Variants in CFAP92 observed in about 807,000 individuals in gnomAD.
CFAP92 encodes the protein cilia and flagella associated protein 92 (putative), also known as uncharacterized protein CFAP92.
Under a neutral mutation model 106.3 loss-of-function variants are expected in CFAP92, and 86 were observed. The ratio of observed to expected loss-of-function variants is 0.81; its 90% CI spans 0.68 to 0.97. The LOEUF (loss-of-function observed/expected upper bound fraction) is 0.97, where lower values mean the gene tolerates loss of function less well. CFAP92 is among the 50% of genes least tolerant of loss of function. The pLI is 0.00. For missense variants in CFAP92, 1,204 were observed against 1,283.8 expected (o/e 0.94, Z 0.95); for synonymous variants, 477 against 506.4 (o/e 0.94, Z 0.78).
intron 10 of CFAP92, among the ~76,000 whole-genome samples, chr3:128,937,001 C>T (rs1291063071): frequency 6.6e-6 from 1 of 152,040 alleles, no homozygotes; most frequent in East Asian, 1.9e-4. Flanking sequence ...ATATGTTCTT[C>T]TATATTTTCA....
chr3:128,922,721 C>T (rs982887516), intron 12 of CFAP92, among the ~76,000 whole-genome samples: 15 of 152,162 alleles, frequency 9.9e-5, no homozygotes, highest in African/African-American at 3.1e-4. Flanking sequence ...TACCATGTCA[C>T]GGGCCAGATG....
intron 11 of CFAP92, among the ~76,000 whole-genome samples, chr3:128,934,791 A>C (rs1280684390): frequency 6.6e-6 from 1 of 152,078 alleles, no homozygotes; most frequent in Non-Finnish European, 1.5e-5. Flanking sequence ...TCAGCCTCCC[A>C]AAGTGCTGGG....
chr3:128,942,794 CTCCCAAGT>C (rs1186228388), intron 10 of CFAP92, among the ~76,000 whole-genome samples: 4 of 151,990 alleles, frequency 2.6e-5, no homozygotes, highest in Non-Finnish European at 5.9e-5. Context: ...CTGCCTCAGC[CTCCCAAGT>C]TCCCAAGTAG....
chr3:129,016,998 C>T, the CFAP92 span, among the ~76,000 whole-genome samples: 1 of 152,196 alleles, frequency 6.6e-6, no homozygotes, highest in African/African-American at 2.4e-5. Flanking sequence ...TTTCAAGGAC[C>T]TGATTCATCT....
chr3:128,994,899 A>G (rs189233774), upstream of CFAP92, among the ~76,000 whole-genome samples: 1 of 152,310 alleles, frequency 6.6e-6, no homozygotes, highest in Admixed American at 6.5e-5. Flanking sequence ...CAGGTAGAGG[A>G]ACAGCATATG....
chr3:128,960,844 T>C (rs1043525603), intron 9 of CFAP92, among the ~76,000 whole-genome samples: 3 of 152,180 alleles, frequency 2.0e-5, no homozygotes, highest in Admixed American at 2.0e-4. Context: ...CCCACTTTCC[T>C]GGGGCAGGGG....
chr3:128,924,060 G>A (rs1171540149), intron 12 of CFAP92, among the ~76,000 whole-genome samples: 1 of 152,192 alleles, frequency 6.6e-6, no homozygotes, highest in African/African-American at 2.4e-5. Context: ...GGGAGAGACA[G>A]CTGCCGTCGA....
intron 12 of CFAP92, among the ~76,000 whole-genome samples, chr3:128,930,121 T>C (rs1938181246): frequency 6.6e-6 from 1 of 152,158 alleles, no homozygotes; most frequent in African/African-American, 2.4e-5. Context: ...AGTAAATAAA[T>C]TGTATACTAC....
chr3:129,004,190 T>A, upstream of CFAP92: 1 of 1,244,334 alleles, frequency 8.0e-7, no homozygotes, highest in Non-Finnish European at 1.0e-6. Flanking sequence ...AGTTTCTCCA[T>A]GCGTTTATTC....
upstream of CFAP92, among the ~76,000 whole-genome samples, chr3:128,998,087 TACA>T (rs1944547901): frequency 6.6e-6 from 1 of 152,270 alleles, no homozygotes; most frequent in African/African-American, 2.4e-5. Flanking sequence ...TGGCTATTTA[TACA>T]ACTTCTTTGG....
At chr3:129,002,120 C>A in intron 1 of CFAP92, 2 of 1,475,846 alleles carry the variant, frequency 1.4e-6, no homozygotes, top group Non-Finnish European at 1.8e-6. Flanking sequence ...TGCCCCGCGG[C>A]GCTCTCAGCG....
In CFAP92 at chr3:128,909,928, A is replaced by T; in HGVS notation, c.*371T>A. On this transcript the variant is annotated 3_prime_UTR_variant, in exon 16 of 16. Transcript: ENST00000645291. ...ACTCCACTTTCTCAAGGAACACAGG[A>T]GACTAAGACAGGCAAAGATGCAGCC... is the stretch of plus-strand genomic sequence containing the variant. 6.4e-7 allele frequency: 1 copy of T among 1,552,034 alleles called. No individual in the cohort carries two copies.
chr3:128,936,615 T>C (rs1246430853), intron 10 of CFAP92, among the ~76,000 whole-genome samples: 2 of 152,156 alleles, frequency 1.3e-5, no homozygotes, highest in African/African-American at 2.4e-5. Context: ...TCTTATCTTA[T>C]AGCTACTGAC....
chr3:128,994,729 C>G (rs1944415558), upstream of CFAP92, among the ~76,000 whole-genome samples: 1 of 152,182 alleles, frequency 6.6e-6, no homozygotes, highest in Admixed American at 6.5e-5. Context: ...GTCTGCTAAA[C>G]CACCCAAGCT....
chr3:128,995,136 A>G (rs1944432265), upstream of CFAP92, among the ~76,000 whole-genome samples: 1 of 152,198 alleles, frequency 6.6e-6, no homozygotes, highest in African/African-American at 2.4e-5. Flanking sequence ...TTGGCTATTA[A>G]GAAAACTTTA....
rs929308090 is a variant in CFAP92 at position 128,932,876 on chromosome 3, C to G, written c.2575G>C (p.Glu859Gln). The change falls in exon 12 of 16, where the codon GAA becomes CAA. Residue 859 changes from glutamate (E) to glutamine (Q), a missense_variant. Coordinates refer to ENST00000645291, the MANE Select transcript of CFAP92 (RefSeq NM_001394090.1). ...GCAAACAGTTTCTCATCTGTGAGTT[C>G]TTCTTGCGAAAGGGGCATCCCAAAC... is the stretch of plus-strand genomic sequence containing the variant. ...QEFGMPLSQE[E>Q]LTDEKLFALP... The G allele has an allele frequency of 2.0e-6, 3 of 1,535,904 alleles. No homozygotes were observed. The highest frequency in any genetic ancestry group is 1.2e-5 in the South Asian group (1 of 84,058).
rs1011987470 is a variant in CFAP92 at position 128,933,017 on chromosome 3, C to A, written c.2454-20G>T. Reference sequence around the variant, plus strand: ...TGGATCCTGGAACAAAGAACCACTGCCCCACTGAACCTCTCCTACCTTGCA... The same window carrying A: ...TGGATCCTGGAACAAAGAACCACTGACCCACTGAACCTCTCCTACCTTGCA... On this transcript the variant is annotated intron_variant, in intron 11 of 15. Transcript: ENST00000645291. The A allele has an allele frequency of 6.5e-7, 1 of 1,534,500 alleles. No homozygotes were observed. The highest frequency in any genetic ancestry group is 8.7e-7 in the Non-Finnish European group (1 of 1,145,678).
chr3:128,977,688 G>A (rs1197459399), intron 5 of CFAP92, among the ~76,000 whole-genome samples: 7 of 152,014 alleles, frequency 4.6e-5, no homozygotes, highest in Non-Finnish European at 4.4e-5. Flanking sequence ...GTGAAACCCC[G>A]TCTCTACTAA....
intron 2 of CFAP92, among the ~76,000 whole-genome samples, chr3:128,991,285 G>A (rs956708867): frequency 1.3e-5 from 2 of 152,116 alleles, no homozygotes; most frequent in African/African-American, 4.8e-5. Flanking sequence ...AGACAGGAAT[G>A]GTCACCATAA....
Sources: gnomAD v4.1 joint callset for allele counts (sites outside exome capture counted in the v4.1 genomes callset) on GRCh38, gnomAD v4.1.1 for gene constraint, MANE v1.5 for transcripts, NCBI Gene and HGNC (gene_info 2026-07-23, HGNC 2026-07-21) for gene names.